The following CSMD1 variants were observed in gnomAD, a reference collection of about 807,000 sequenced individuals.
CSMD1 encodes the protein CUB and sushi domain-containing protein 1.
Under a neutral mutation model 417.5 loss-of-function variants are expected in CSMD1, and 213 were observed. The ratio of observed to expected loss-of-function variants is 0.51; its 90% CI spans 0.46 to 0.57. The LOEUF (loss-of-function observed/expected upper bound fraction) is 0.57. CSMD1 is among the 20% of genes least tolerant of loss of function. The pLI is 0.00. For synonymous variants in CSMD1, 2,862 were observed against 1,736.8 expected, an observed-to-expected ratio of 1.65 and a Z score of -16.11; for missense variants, 6,923 against 4,529.7, an observed-to-expected ratio of 1.53 and a Z score of -15.17.
chr8:3,479,804 T>G (rs543510739), intron 11 of CSMD1, among the ~76,000 whole-genome samples: 1 of 152,152 alleles, frequency 6.6e-6, no homozygotes, highest in South Asian at 2.1e-4. Flanking sequence ...GGGTGGATTT[T>G]AAAGCCAGGT....
intron 1 of CSMD1, among the ~76,000 whole-genome samples, chr8:4,785,752 A>G (rs1797369332): frequency 6.6e-6 from 1 of 152,178 alleles, no homozygotes; most frequent in African/African-American, 2.4e-5. Context: ...GCATCATACA[A>G]ATAATAGTAC....
chr8:3,289,149 C>A (rs1803367505), intron 25 of CSMD1, among the ~76,000 whole-genome samples: 1 of 147,662 alleles, frequency 6.8e-6, no homozygotes, highest in Admixed American at 6.7e-5. Flanking sequence ...CTACAAAGCA[C>A]ATGAACTCAT....
chr8:4,368,048 T>C (rs889920855), intron 3 of CSMD1, among the ~76,000 whole-genome samples: 34 of 152,188 alleles, frequency 2.2e-4, no homozygotes, highest in African/African-American at 8.2e-4. Flanking sequence ...TCCAGTACTA[T>C]GTTGAATAGT....
chr8:4,444,813 G>A (rs17336628), intron 2 of CSMD1, among the ~76,000 whole-genome samples: 13,748 of 152,212 alleles, frequency 0.09, 872 homozygotes, highest in Admixed American at 0.2. Flanking sequence ...AGATGCTTGT[G>A]ACCTCAGCCA....
chr8:3,024,562 C>A (rs1199044545), intron 51 of CSMD1, among the ~76,000 whole-genome samples: 4 of 152,184 alleles, frequency 2.6e-5, no homozygotes, highest in African/African-American at 9.6e-5. Flanking sequence ...TCGCCTTGGC[C>A]TCCCAAAGTG....
intron 2 of CSMD1, among the ~76,000 whole-genome samples, chr8:4,530,341 T>C (rs1796742235): frequency 7.8e-6 from 1 of 128,854 alleles, no homozygotes; most frequent in Admixed American, 7.8e-5. Flanking sequence ...TTTTTTTTTT[T>C]TTTACTTTCA....
intron 22 of CSMD1, among the ~76,000 whole-genome samples, chr8:3,345,142 G>C (rs986241925): frequency 6.6e-6 from 1 of 152,190 alleles, no homozygotes; most frequent in African/African-American, 2.4e-5. Flanking sequence ...TAGACACTCA[G>C]TGAAGCCCCT....
intron 41 of CSMD1, chr8:3,127,238 C>G (rs1465392059): frequency 6.6e-6 from 1 of 152,186 alleles, no homozygotes; most frequent in Non-Finnish European, 1.5e-5. Context: ...GCAAAAGAGG[C>G]ATCTTTGTAA....
intron 21 of CSMD1, among the ~76,000 whole-genome samples, chr8:3,355,725 G>C (rs1239133952): frequency 6.6e-6 from 1 of 152,136 alleles, no homozygotes; most frequent in Non-Finnish European, 1.5e-5. Flanking sequence ...TTGAACCCTT[G>C]ATCAAACCTC....
Position 2,962,448 on chromosome 8 carries a change from C to G in CSMD1, c.9628+18G>C, listed in dbSNP as rs2128926211. 6.2e-7 allele frequency: 1 copy of G among 1,607,024 alleles called. No individual in the cohort carries two copies. The highest frequency in any genetic ancestry group is 2.2e-5 in the East Asian group (1 of 44,732). On this transcript the variant is annotated intron_variant, in intron 61 of 69. Coordinates refer to ENST00000635120, the MANE Select transcript of CSMD1 (RefSeq NM_033225.6). ...CAAATACTCCCAGGTATCCCCAGAG[C>G]TGTATGATAATTATTACCAATGCAG...
At chr8:3,750,325 T>C (rs997925322) in intron 6 of CSMD1, among the ~76,000 whole-genome samples, 1 of 149,792 alleles carries the variant, frequency 6.7e-6, no homozygotes, top group Non-Finnish European at 1.5e-5. Flanking sequence ...TATATGTATA[T>C]ATATATCTTA....
intron 6 of CSMD1, among the ~76,000 whole-genome samples, chr8:3,747,255 G>T (rs904104462): frequency 6.6e-6 from 1 of 152,082 alleles, no homozygotes; most frequent in South Asian, 2.1e-4. Context: ...TTTCTGTTCT[G>T]CCATCCAATA....
chr8:4,841,857 G>A (rs901911748), intron 1 of CSMD1, among the ~76,000 whole-genome samples: 1 of 129,998 alleles, frequency 7.7e-6, no homozygotes, highest in African/African-American at 2.8e-5. Context: ...GTTACAGTGA[G>A]CCGAGATCGC....
chr8:4,502,417 C>A (rs906996572), intron 2 of CSMD1, among the ~76,000 whole-genome samples: 1 of 152,142 alleles, frequency 6.6e-6, no homozygotes, highest in Non-Finnish European at 1.5e-5. Flanking sequence ...AGAACAAATT[C>A]TTTCCCACCC....
chr8:4,859,668 A>G (rs1394963697), intron 1 of CSMD1, among the ~76,000 whole-genome samples: 1 of 152,092 alleles, frequency 6.6e-6, no homozygotes, highest in Non-Finnish European at 1.5e-5. Context: ...AATGCTCATC[A>G]TCCCTGGCCA....
rs190530957 is a variant in CSMD1 at position 4,791,152 on chromosome 8, C to G, written c.86-153594G>C. Among the ~76,000 whole-genome samples the G allele has an allele frequency of 3.9e-5, 6 of 152,104 alleles. No homozygotes were observed. In the East Asian group the frequency reaches 7.8e-4, roughly 20 times the overall value. The stretch of plus-strand genomic sequence containing the variant: ...AGAAACTTTTAAGTGAGACAAGAAA[C>G]AAACACATGGAGATAAGCCAAGAAA... On this transcript the variant is annotated intron_variant, in intron 1 of 69. Coordinates refer to ENST00000635120, the MANE Select transcript of CSMD1 (RefSeq NM_033225.6).
chr8:4,041,778 A>G (rs1465660429), intron 3 of CSMD1, among the ~76,000 whole-genome samples: 2 of 152,194 alleles, frequency 1.3e-5, no homozygotes, highest in Non-Finnish European at 2.9e-5. Context: ...GTCTTGAGAC[A>G]TGGGAAATAT....
At chr8:4,761,479 A>T (rs1044661202) in intron 1 of CSMD1, among the ~76,000 whole-genome samples, 1 of 152,100 alleles carries the variant, frequency 6.6e-6, no homozygotes, top group Non-Finnish European at 1.5e-5. Flanking sequence ...TTCTAGTGTG[A>T]ATACTAAACA....
At chr8:4,601,442 T>C (rs1398368232) in intron 2 of CSMD1, among the ~76,000 whole-genome samples, 1 of 152,186 alleles carries the variant, frequency 6.6e-6, no homozygotes, top group Non-Finnish European at 1.5e-5. Flanking sequence ...TCTACAGGGA[T>C]CATCTCATCT....
Sources: allele counts gnomAD v4.1 joint callset (sites outside exome capture counted in the v4.1 genomes callset), GRCh38; gene constraint gnomAD v4.1.1; transcripts MANE v1.5; gene names NCBI Gene and HGNC (gene_info 2026-07-23, HGNC 2026-07-21).